Variants in ENTREP2 observed in about 807,000 individuals in gnomAD.
The protein encoded by ENTREP2 is endosomal transmembrane epsin interactor 2.
the ENTREP2 span, among the ~76,000 whole-genome samples, chr15:29,551,560 A>G: frequency 6.6e-6 from 1 of 152,202 alleles, no homozygotes; most frequent in African/African-American, 2.4e-5. Flanking sequence ...GCATCATAAG[A>G]TACCAGTTCT....
the ENTREP2 span, among the ~76,000 whole-genome samples, chr15:29,308,029 T>G: frequency 6.6e-6 from 1 of 152,162 alleles, no homozygotes; most frequent in Non-Finnish European, 1.5e-5. Flanking sequence ...AATAATGTGT[T>G]TATATATTTC....
At chr15:29,274,253 C>A in the ENTREP2 span, among the ~76,000 whole-genome samples, 1 of 152,176 alleles carries the variant, frequency 6.6e-6, no homozygotes, top group African/African-American at 2.4e-5. Context: ...ATCCCCACAA[C>A]AAACCTATCA....
chr15:29,323,617 C>T, the ENTREP2 span, among the ~76,000 whole-genome samples: 4 of 152,218 alleles, frequency 2.6e-5, no homozygotes, highest in South Asian at 8.3e-4. Flanking sequence ...GTCAGAAGTC[C>T]TAGAGGCCTG....
the ENTREP2 span, among the ~76,000 whole-genome samples, chr15:29,606,123 G>A: frequency 6.6e-6 from 1 of 151,920 alleles, no homozygotes; most frequent in Non-Finnish European, 1.5e-5. Flanking sequence ...GGTCTTTTAA[G>A]TCTCTTTTAA....
chr15:29,463,833 T>C, the ENTREP2 span, among the ~76,000 whole-genome samples: 97 of 152,234 alleles, frequency 6.4e-4, no homozygotes, highest in African/African-American at 2.0e-3. Flanking sequence ...AGAACAGATA[T>C]ACAAAATGTG....
At chr15:29,205,505 T>A in the ENTREP2 span, among the ~76,000 whole-genome samples, 3 of 152,232 alleles carry the variant, frequency 2.0e-5, no homozygotes, top group Non-Finnish European at 2.9e-5. Context: ...CAAAAAATCA[T>A]AGTCATTGCA....
chr15:29,252,315 T>G, the ENTREP2 span: 1 of 1,142,526 alleles, frequency 8.8e-7, no homozygotes, highest in Middle Eastern at 1.9e-4. Flanking sequence ...ATTGCTCTTG[T>G]ACAAAATCAA....
the ENTREP2 span, among the ~76,000 whole-genome samples, chr15:29,489,136 A>G: frequency 7.8e-6 from 1 of 127,954 alleles, no homozygotes; most frequent in Non-Finnish European, 1.6e-5. Context: ...TCAGTAAAGA[A>G]AAATAAAACA....
At chr15:29,459,470 C>T in the ENTREP2 span, among the ~76,000 whole-genome samples, 1 of 152,130 alleles carries the variant, frequency 6.6e-6, no homozygotes, top group African/African-American at 2.4e-5. Context: ...TATTTCTCAC[C>T]CTTACTGTAA....
the ENTREP2 span, chr15:29,269,090 C>T: frequency 6.2e-7 from 1 of 1,614,150 alleles, no homozygotes; most frequent in Non-Finnish European, 8.5e-7. Context: ...GGGTAGACCC[C>T]TAAGCGCCGC....
the ENTREP2 span, among the ~76,000 whole-genome samples, chr15:29,239,859 C>T: frequency 1.3e-5 from 2 of 152,150 alleles, no homozygotes; most frequent in Non-Finnish European, 2.9e-5. Context: ...TGACACACAA[C>T]CTCTGGTTTA....
chr15:29,375,140 T>C, the ENTREP2 span: 1 of 152,210 alleles, frequency 6.6e-6, no homozygotes, highest in Non-Finnish European at 1.5e-5. Flanking sequence ...TAATATCTGT[T>C]AGGCAGAACT....
the ENTREP2 span, among the ~76,000 whole-genome samples, chr15:29,217,764 G>A: frequency 6.6e-6 from 1 of 152,070 alleles, no homozygotes; most frequent in African/African-American, 2.4e-5. Flanking sequence ...GGTAGATCAG[G>A]GACTTCTTGG....
the ENTREP2 span, among the ~76,000 whole-genome samples, chr15:29,599,614 C>T: frequency 1.3e-5 from 2 of 152,156 alleles, no homozygotes; most frequent in African/African-American, 2.4e-5. Context: ...TCATAACAAT[C>T]GCATTATAAT....
At chr15:29,293,919 C>T in the ENTREP2 span, among the ~76,000 whole-genome samples, 1 of 152,216 alleles carries the variant, frequency 6.6e-6, no homozygotes, top group Non-Finnish European at 1.5e-5. Flanking sequence ...GCGCATCCTG[C>T]AGTAACTGTG....
chr15:29,648,559 T>C, the ENTREP2 span, among the ~76,000 whole-genome samples: 1 of 152,258 alleles, frequency 6.6e-6, no homozygotes, highest in African/African-American at 2.4e-5. Flanking sequence ...GAAGATCTAG[T>C]TGATGTTCTC....
chr15:29,462,605 G>T, the ENTREP2 span, among the ~76,000 whole-genome samples: 1 of 149,560 alleles, frequency 6.7e-6, no homozygotes, highest in African/African-American at 2.6e-5. Flanking sequence ...AGCGAAATTC[G>T]ATCTCAAAAC....
the ENTREP2 span, among the ~76,000 whole-genome samples, chr15:29,222,687 G>C: frequency 1.3e-5 from 2 of 152,084 alleles, no homozygotes; most frequent in Admixed American, 6.6e-5. Flanking sequence ...AGATGTTCAG[G>C]AGAGGTTCAG....
chr15:29,648,492 C>T, the ENTREP2 span, among the ~76,000 whole-genome samples: 3 of 152,264 alleles, frequency 2.0e-5, no homozygotes, highest in African/African-American at 7.2e-5. Flanking sequence ...GCTTCCACCA[C>T]CTGAAGAAGA....
Sources: gnomAD v4.1 joint callset for allele counts (sites outside exome capture counted in the v4.1 genomes callset) on GRCh38, gnomAD v4.1.1 for gene constraint, MANE v1.5 for transcripts, NCBI Gene and HGNC (gene_info 2026-07-23, HGNC 2026-07-21) for gene names.